The following ANKFN1 variants were observed in gnomAD, a reference collection of about 807,000 sequenced individuals.
ANKFN1 encodes ankyrin repeat and fibronectin type-III domain-containing protein 1.
Under a neutral mutation model 108.7 loss-of-function variants are expected in ANKFN1, and 74 were observed. The observed-to-expected ratio is 0.68, with a 90% CI of 0.56 to 0.83. ANKFN1 has a LOEUF of 0.83. ANKFN1 is among the 40% of genes least tolerant of loss of function. The probability of loss-of-function intolerance (pLI) is 0.00; values close to 1 mark genes in which losing one functional copy is unlikely to be tolerated. For missense variants in ANKFN1, 1,505 were observed against 1,382.3 expected (o/e 1.09, Z -1.41); for synonymous variants, 547 against 516.2 (o/e 1.06, Z -0.81).
chr17:56,417,473 C>T (rs897003962), intron 8 of ANKFN1, among the ~76,000 whole-genome samples: 6 of 152,190 alleles, frequency 3.9e-5, no homozygotes, highest in Admixed American at 1.3e-4. Flanking sequence ...AAGAGTCAAG[C>T]CCTGCAGCAG....
chr17:56,243,807 G>C (rs1172715920), intron 3 of ANKFN1, among the ~76,000 whole-genome samples: 1 of 152,064 alleles, frequency 6.6e-6, no homozygotes, highest in Non-Finnish European at 1.5e-5. Flanking sequence ...TTTAAATCTG[G>C]AATTAGGTTT....
rs2051893351 is a variant in ANKFN1, at chr17:56,515,514, G to T, written c.*4245G>T. 6.6e-6 allele frequency among the ~76,000 whole-genome samples: 1 copy of T among 152,152 alleles called. No individual in the cohort carries two copies. The highest frequency in any genetic ancestry group is 1.5e-5 in the Non-Finnish European group (1 of 68,024). On this transcript the variant is annotated 3_prime_UTR_variant, in exon 21 of 21. Transcript: ENST00000682825. ...AGCAAGGAAAAAAACTGTTTTCTTT[G>T]CTGGTCACCTCTCATAAGATGTTCA... is the stretch of plus-strand genomic sequence containing the variant.
At chr17:56,508,549 T>C (rs971248405) in intron 20 of ANKFN1, among the ~76,000 whole-genome samples, 1 of 152,206 alleles carries the variant, frequency 6.6e-6, no homozygotes. Flanking sequence ...AATCCTCTTA[T>C]CGTTTGTATA....
intron 19 of ANKFN1, among the ~76,000 whole-genome samples, chr17:56,497,535 T>G (rs901747262): frequency 6.6e-6 from 1 of 152,152 alleles, no homozygotes; most frequent in Non-Finnish European, 1.5e-5. Context: ...ACCAGGTTTG[T>G]GGATATTCTT....
At chr17:56,431,522 T>C (rs1402456854) in intron 8 of ANKFN1, among the ~76,000 whole-genome samples, 1 of 152,150 alleles carries the variant, frequency 6.6e-6, no homozygotes, top group Non-Finnish European at 1.5e-5. Flanking sequence ...TCCCCATATC[T>C]ATGTCCACAC....
At chr17:56,059,646 G>C (rs757635884) in intron 4 of ANKFN1, among the ~76,000 whole-genome samples, 23 of 152,144 alleles carry the variant, frequency 1.5e-4, no homozygotes, top group Non-Finnish European at 2.9e-4. Flanking sequence ...TCAGTTTTTG[G>C]CATATGGCTA....
At chr17:56,467,794 G>GAA (rs1568026355) in intron 15 of ANKFN1, among the ~76,000 whole-genome samples, 280 of 15,892 alleles carry the variant, frequency 0.018, 5 homozygotes, top group African/African-American at 0.065. Flanking sequence ...AAAGAAAGAA[G>GAA]AAAGAAAGAA....
At position 56,409,251 on chromosome 17, in the gene ANKFN1, T is replaced by A. The variant is rs115950899; in HGVS notation, c.911-31076T>A. Among the ~76,000 whole-genome samples the A allele has an allele frequency of 4.6e-3, 700 of 152,266 alleles. 5 individuals carry two copies. Among genetic ancestry groups the A allele is most frequent in the African/African-American group, 0.016 (656 of 41,550 alleles). On this transcript the variant is annotated intron_variant, in intron 8 of 20. Transcript: ENST00000682825. ...AGATTATTTTTATGTCTGTGTCTTA[T>A]GATTTGTTTCCCCACCTTATAAGAT...
At chr17:56,323,660 T>C (rs2045434494) in intron 3 of ANKFN1, 2 of 152,144 alleles carry the variant, frequency 1.3e-5, no homozygotes, top group African/African-American at 4.8e-5. Context: ...AACTTTAAGG[T>C]TCCTTTCAAT....
intron 6 of ANKFN1, among the ~76,000 whole-genome samples, chr17:56,365,466 C>T (rs1309242997): frequency 2.6e-5 from 4 of 152,078 alleles, no homozygotes; most frequent in Non-Finnish European, 4.4e-5. Context: ...AGTTATAAGA[C>T]AAGTGTTGTT....
chr17:56,160,988 G>A (rs1252982263), intron 1 of ANKFN1, among the ~76,000 whole-genome samples: 1 of 152,200 alleles, frequency 6.6e-6, no homozygotes, highest in Admixed American at 6.5e-5. Flanking sequence ...GAAAAAACCA[G>A]AGGGCTCTTT....
rs1329320986 is a variant in ANKFN1 at position 56,516,060 on chromosome 17, A to C, written c.*4791A>C. ...TAAGGCTCTTTGCTCCTCTTCCTGC[A>C]GTCCATGCCATGAAAGTCTGAATAT... On this transcript the variant is annotated 3_prime_UTR_variant, in exon 21 of 21. Transcript: ENST00000682825. 6.6e-6 allele frequency among the ~76,000 whole-genome samples: 1 copy of C among 152,194 alleles called. No individual in the cohort carries two copies. Among genetic ancestry groups the C allele is most frequent in the Non-Finnish European group, 1.5e-5 (1 of 68,040 alleles).
At chr17:56,160,768 A>T (rs1909583234) in intron 1 of ANKFN1, among the ~76,000 whole-genome samples, 1 of 152,222 alleles carries the variant, frequency 6.6e-6, no homozygotes, top group Admixed American at 6.5e-5. Flanking sequence ...TTATTCTGAA[A>T]TTCCAGTCTT....
intron 8 of ANKFN1, among the ~76,000 whole-genome samples, chr17:56,404,914 GTGAT>G (rs1231393401): frequency 1.3e-5 from 2 of 152,240 alleles, no homozygotes; most frequent in African/African-American, 2.4e-5. Flanking sequence ...TCGAACTGCA[GTGAT>G]TGTTGTCTCT....
chr17:56,143,438 C>G (rs1175490523), intron 4 of ANKFN1, among the ~76,000 whole-genome samples: 2 of 152,182 alleles, frequency 1.3e-5, no homozygotes, highest in African/African-American at 4.8e-5. Flanking sequence ...GCCACCTCCT[C>G]TAGAGCCCTT....
chr17:56,408,680 G>T (rs116526658), intron 8 of ANKFN1, among the ~76,000 whole-genome samples: 4 of 152,102 alleles, frequency 2.6e-5, no homozygotes, highest in African/African-American at 7.2e-5. Flanking sequence ...ATTTACACCA[G>T]GCTAAAAAAG....
In ANKFN1 at chr17:56,372,884, TCAGTTTGAGACAGC is replaced by T. The variant is rs998528709; in HGVS notation, c.796+48_796+61del. On this transcript the variant is annotated intron_variant, in intron 7 of 20. Transcript: ENST00000682825. Reference sequence around the variant, plus strand: ...TGTCTACATTTCACTAGACTGAGCCTCAGTTTGAGACAGCCAGGTCTTCTTTTACAGATTTTTTT... The same window carrying T: ...TGTCTACATTTCACTAGACTGAGCCTCAGGTCTTCTTTTACAGATTTTTTT... The T allele has an allele frequency of 2.6e-6, 4 of 1,564,708 alleles. No homozygotes were observed. The East Asian group carries it at 6.8e-5, about 27-fold the overall frequency.
chr17:56,114,189 G>A (rs78117194), intron 4 of ANKFN1, among the ~76,000 whole-genome samples: 1,644 of 152,292 alleles, frequency 0.011, 26 homozygotes, highest in African/African-American at 0.037. Flanking sequence ...TGAAGAATGA[G>A]TCTGCAAAAG....
intron 3 of ANKFN1, among the ~76,000 whole-genome samples, chr17:56,275,982 C>T (rs1598340719): frequency 6.6e-6 from 1 of 152,156 alleles, no homozygotes; most frequent in African/African-American, 2.4e-5. Flanking sequence ...TTGTCATTTA[C>T]ATTAGATATT....
Sources: gnomAD v4.1 joint callset for allele counts (sites outside exome capture counted in the v4.1 genomes callset) on GRCh38, gnomAD v4.1.1 for gene constraint, MANE v1.5 for transcripts, NCBI Gene and HGNC (gene_info 2026-07-23, HGNC 2026-07-21) for gene names.